Variants in GBE1 observed in about 807,000 individuals in gnomAD.
The protein encoded by GBE1 is 1,4-alpha-glucan-branching enzyme.
GBE1 carries 70 observed loss-of-function variants against 88.8 expected under a neutral mutation model. The ratio of observed to expected loss-of-function variants is 0.79; its 90% CI spans 0.65 to 0.96. The LOEUF (loss-of-function observed/expected upper bound fraction) is 0.96. GBE1 is among the 40% of genes least tolerant of loss of function. The pLI, the probability that GBE1 is intolerant of heterozygous loss-of-function variation, is 0.00. For missense variants in GBE1, 872 were observed against 871.0 expected, an observed-to-expected ratio of 1.00 and a Z score of -0.01; for synonymous variants, 284 against 300.1, an observed-to-expected ratio of 0.95 and a Z score of 0.56.
chr3:81,598,572 G>A (rs997132285), intron 7 of GBE1, among the ~76,000 whole-genome samples: 5 of 151,558 alleles, frequency 3.3e-5, no homozygotes, highest in African/African-American at 7.3e-5. Flanking sequence ...ATTATGTTTT[G>A]CTCATAATTT....
intron 14 of GBE1, among the ~76,000 whole-genome samples, chr3:81,528,056 T>C (rs1250151296): frequency 6.6e-6 from 1 of 152,018 alleles, no homozygotes; most frequent in Admixed American, 6.6e-5. Flanking sequence ...GATGAGTTCA[T>C]GTCCTTTGTA....
chr3:81,582,024 T>G (rs541975429), intron 10 of GBE1, among the ~76,000 whole-genome samples: 1 of 152,228 alleles, frequency 6.6e-6, no homozygotes, highest in South Asian at 2.1e-4. Flanking sequence ...TTATATTGTT[T>G]TGTTTCTTCC....
intron 14 of GBE1, among the ~76,000 whole-genome samples, chr3:81,513,505 A>C (rs1050749524): frequency 1.3e-5 from 2 of 151,666 alleles, no homozygotes; most frequent in Middle Eastern, 6.8e-3. Flanking sequence ...AGGCCCGGAA[A>C]GGCAAATATA....
At chr3:81,637,452 C>T (rs999261210) in intron 7 of GBE1, among the ~76,000 whole-genome samples, 3 of 152,102 alleles carry the variant, frequency 2.0e-5, no homozygotes, top group African/African-American at 7.2e-5. Flanking sequence ...AAGTCTATCT[C>T]TCCAAAATTT....
At chr3:81,662,023 A>AT (rs1169829815) in intron 3 of GBE1, among the ~76,000 whole-genome samples, 1 of 151,980 alleles carries the variant, frequency 6.6e-6, no homozygotes, top group Non-Finnish European at 1.5e-5. Context: ...TAATTTATTC[A>AT]TTTTTTTAAT....
At chr3:81,641,310 A>G (rs1482461118) in intron 7 of GBE1, among the ~76,000 whole-genome samples, 1 of 152,148 alleles carries the variant, frequency 6.6e-6, no homozygotes, top group East Asian at 1.9e-4. Context: ...TTCTACTTCT[A>G]TAAGATGTAC....
At chr3:81,538,536 G>A (rs1703104284) in intron 12 of GBE1, among the ~76,000 whole-genome samples, 1 of 151,962 alleles carries the variant, frequency 6.6e-6, no homozygotes, top group Non-Finnish European at 1.5e-5. Context: ...ATATTAGGAT[G>A]CTTTAAATTG....
At chr3:81,630,113 T>G (rs1161263922) in intron 7 of GBE1, among the ~76,000 whole-genome samples, 3 of 152,182 alleles carry the variant, frequency 2.0e-5, no homozygotes, top group African/African-American at 7.2e-5. Flanking sequence ...ATCCAGTCTA[T>G]CATTGTTGGA....
At chr3:81,494,537 A>G (rs557054338) in intron 15 of GBE1, among the ~76,000 whole-genome samples, 4 of 152,328 alleles carry the variant, frequency 2.6e-5, no homozygotes, top group African/African-American at 9.6e-5. Context: ...GAAGCCACTT[A>G]TCATTCATGA....
intron 2 of GBE1, among the ~76,000 whole-genome samples, chr3:81,699,388 AT>A (rs1219588067): frequency 6.6e-6 from 1 of 152,228 alleles, no homozygotes. Flanking sequence ...TTTACACTGT[AT>A]ACCACAAAGA....
intron 1 of GBE1, among the ~76,000 whole-genome samples, chr3:81,758,807 C>G (rs769146515): frequency 5.9e-5 from 9 of 152,148 alleles, no homozygotes; most frequent in Non-Finnish European, 1.3e-4. Context: ...AAAATTCTCA[C>G]AGGTACAGAA....
intron 14 of GBE1, among the ~76,000 whole-genome samples, chr3:81,515,698 C>G (rs533062613): frequency 4.9e-4 from 74 of 151,662 alleles, no homozygotes; most frequent in African/African-American, 1.7e-3. Flanking sequence ...AAGAGTTAGC[C>G]AAGTTGTGAA....
chr3:81,547,549 G>T (rs1703221698), intron 12 of GBE1, among the ~76,000 whole-genome samples: 1 of 151,120 alleles, frequency 6.6e-6, no homozygotes, highest in South Asian at 2.1e-4. Flanking sequence ...GCCACTCAGG[G>T]CAAGGGAACC....
intron 12 of GBE1, among the ~76,000 whole-genome samples, chr3:81,538,440 C>T (rs145863159): frequency 6.6e-6 from 1 of 151,904 alleles, no homozygotes; most frequent in East Asian, 1.9e-4. Flanking sequence ...AAACATTTTG[C>T]TCAATTCAAA....
chr3:81,512,291 G>C (rs1055968573), intron 14 of GBE1, among the ~76,000 whole-genome samples: 2 of 151,616 alleles, frequency 1.3e-5, no homozygotes, highest in Non-Finnish European at 2.9e-5. Context: ...CCAAAACTTC[G>C]CAACACACAA....
chr3:81,624,877 C>T (rs1195565078), intron 7 of GBE1, among the ~76,000 whole-genome samples: 1 of 152,072 alleles, frequency 6.6e-6, no homozygotes, highest in African/African-American at 2.4e-5. Flanking sequence ...TACGTTTATG[C>T]TCAAATAGCC....
intron 5 of GBE1, 125 bp from the exon 6 acceptor site, chr3:81,646,607 T>A: frequency 1.6e-6 from 1 of 607,984 alleles, no homozygotes; most frequent in Non-Finnish European, 2.9e-6. Context: ...TTGGTCGTCT[T>A]GAAAAGTTCT....
intron 15 of GBE1, 59 bp downstream of exon 15, chr3:81,499,051 A>G (rs1385019320): frequency 1.1e-6 from 1 of 918,978 alleles, no homozygotes; most frequent in Admixed American, 2.5e-5. Context: ...GAACAAAAAC[A>G]TTACTATAAT....
intron 4 of GBE1, among the ~76,000 whole-genome samples, chr3:81,649,273 A>C (rs1704811274): frequency 6.6e-6 from 1 of 152,098 alleles, no homozygotes; most frequent in Non-Finnish European, 1.5e-5. Context: ...AGAGCCATGA[A>C]ATACATATGT....
Sources: allele counts gnomAD v4.1 joint callset (sites outside exome capture counted in the v4.1 genomes callset), GRCh38; gene constraint gnomAD v4.1.1; transcripts MANE v1.5; gene names NCBI Gene and HGNC (gene_info 2026-07-23, HGNC 2026-07-21).